ATP13A4: variants seen among roughly 807,000 people sequenced by gnomAD.
The protein encoded by ATP13A4 is ATPase 13A4, also known as probable cation-transporting ATPase 13A4.
A neutral mutation model predicts 142.5 loss-of-function variants in ATP13A4; 114 were observed. That is an observed-to-expected ratio of 0.80 (90% CI 0.69 to 0.93). The LOEUF is 0.93. Ranked by LOEUF, ATP13A4 falls within the 40% of genes least tolerant of loss-of-function variation. ATP13A4 has a pLI of 0.00. For synonymous variants in ATP13A4, 488 were observed against 514.8 expected (o/e 0.95, Z 0.70); for missense variants, 1,392 against 1,454.0 (o/e 0.96, Z 0.69).
intron 28 of ATP13A4, among the ~76,000 whole-genome samples, chr3:193,410,388 A>T (rs1434157300): frequency 6.6e-6 from 1 of 152,226 alleles, no homozygotes; most frequent in Non-Finnish European, 1.5e-5. Context: ...GAAAATATAG[A>T]AAAACATTTT....
chr3:193,513,887 G>A (rs558991958), intron 2 of ATP13A4, among the ~76,000 whole-genome samples: 1 of 152,282 alleles, frequency 6.6e-6, no homozygotes, highest in South Asian at 2.1e-4. Context: ...GCAGGGAGTG[G>A]GATATGTCAG....
chr3:193,447,267 C>T (rs994441043), intron 18 of ATP13A4, among the ~76,000 whole-genome samples: 5 of 152,074 alleles, frequency 3.3e-5, no homozygotes, highest in Non-Finnish European at 5.9e-5. Flanking sequence ...AACTCAGCAA[C>T]TTCAAAAAGT....
intron 1 of ATP13A4, among the ~76,000 whole-genome samples, chr3:193,548,722 T>C (rs936339642): frequency 6.6e-6 from 1 of 152,124 alleles, no homozygotes; most frequent in Non-Finnish European, 1.5e-5. Flanking sequence ...GCCAAGTAAT[T>C]GGTGGAAAAA....
At chr3:193,415,573 G>C (rs1715017156) in intron 25 of ATP13A4, among the ~76,000 whole-genome samples, 1 of 152,186 alleles carries the variant, frequency 6.6e-6, no homozygotes, top group Non-Finnish European at 1.5e-5. Context: ...TACAAAAGGA[G>C]CATAGCAGGC....
At chr3:193,547,386 TCCAG>T (rs1476270431) in intron 1 of ATP13A4, among the ~76,000 whole-genome samples, 1 of 152,210 alleles carries the variant, frequency 6.6e-6, no homozygotes, top group Non-Finnish European at 1.5e-5. Flanking sequence ...TCTGACCAAA[TCCAG>T]CTCCACCATC....
chr3:193,590,342 T>C (rs1302921860), intron 1 of ATP13A4, among the ~76,000 whole-genome samples: 1 of 152,174 alleles, frequency 6.6e-6, no homozygotes. Flanking sequence ...ACTTGAGTCA[T>C]GAGTCATAAG....
At chr3:193,483,769 T>C (rs564496061) in intron 8 of ATP13A4, among the ~76,000 whole-genome samples, 167 bp downstream of exon 8, 12 of 152,156 alleles carry the variant, frequency 7.9e-5, no homozygotes, top group Admixed American at 6.5e-5. Context: ...CGGTCTAAAG[T>C]AGTTTTTAAG....
chr3:193,585,947 G>A (rs1172697690), intron 1 of ATP13A4, among the ~76,000 whole-genome samples: 1 of 152,092 alleles, frequency 6.6e-6, no homozygotes, highest in African/African-American at 2.4e-5. Context: ...TTACATTCCT[G>A]CCATCGGTTA....
Position 193,495,211 on chromosome 3 carries a change from T to C in ATP13A4, c.382-2051A>G, listed in dbSNP as rs566135063. 9.9e-5 allele frequency among the ~76,000 whole-genome samples: 15 copies of C among 152,026 alleles called. No homozygotes were observed. In the South Asian group the frequency reaches 2.9e-3, roughly 29 times the overall value. On this transcript the variant is annotated intron_variant, in intron 3 of 29. Transcript: ENST00000342695. ...ATTCTACTCAGACTATTCCAGAAAATTGAAGAGAGGAAAATATTTCCAAAT... is the reference window on the plus strand; with the variant it reads ...ATTCTACTCAGACTATTCCAGAAAACTGAAGAGAGGAAAATATTTCCAAAT...
At chr3:193,510,889 T>A (rs1186991178) in intron 2 of ATP13A4, among the ~76,000 whole-genome samples, 1 of 152,212 alleles carries the variant, frequency 6.6e-6, no homozygotes. Flanking sequence ...ACCTCCTTAA[T>A]GGAAAATCAT....
At chr3:193,499,498 G>C (rs1032318260) in intron 3 of ATP13A4, among the ~76,000 whole-genome samples, 2 of 152,166 alleles carry the variant, frequency 1.3e-5, no homozygotes, top group Non-Finnish European at 2.9e-5. Flanking sequence ...TCCTGTGGTA[G>C]GGCAGATATT....
chr3:193,577,592 T>C (rs774453163), intron 2 of ATP13A4, among the ~76,000 whole-genome samples: 1 of 152,196 alleles, frequency 6.6e-6, no homozygotes, highest in Non-Finnish European at 1.5e-5. Flanking sequence ...ACAATTAACA[T>C]TGCATTTGTA....
intron 1 of ATP13A4, among the ~76,000 whole-genome samples, chr3:193,516,419 T>C (rs1343118084): frequency 5.3e-5 from 8 of 152,228 alleles, no homozygotes; most frequent in Admixed American, 5.2e-4. Flanking sequence ...CAAAGTAGAA[T>C]GTAGATTCTG....
chr3:193,484,105 C>G (rs1399222388), intron 7 of ATP13A4, 100 bp from the exon 8 acceptor site: 2 of 1,005,648 alleles, frequency 2.0e-6, no homozygotes, highest in Admixed American at 3.5e-5. Context: ...CACTGTCTTA[C>G]TGCCAGTTGA....
In ATP13A4 at chr3:193,402,504, T is replaced by C. The variant is rs1049993201; in HGVS notation, c.*148A>G. The stretch of plus-strand genomic sequence containing the variant: ...GTTCTTCTCTGTAGACAGTATTTTA[T>C]CAAACAGACTTTAGTTTGTCACCAT... On this transcript the variant is annotated 3_prime_UTR_variant, in exon 30 of 30. Transcript: ENST00000342695. 2.0e-5 allele frequency: 13 copies of C among 640,204 alleles called. No homozygotes were observed. Among genetic ancestry groups the C allele is most frequent in the Non-Finnish European group, 3.4e-5 (12 of 356,960 alleles). 39.7% of individuals were successfully genotyped at this position (640,204 alleles called of 1,614,324 possible).
At chr3:193,411,323 G>A (rs368313622) in intron 27 of ATP13A4, among the ~76,000 whole-genome samples, 1 of 152,132 alleles carries the variant, frequency 6.6e-6, no homozygotes, top group African/African-American at 2.4e-5. Context: ...TATACATAGG[G>A]TAACATTGAC....
chr3:193,418,099 GC>G (rs1269234301), intron 25 of ATP13A4, among the ~76,000 whole-genome samples: 5 of 99,582 alleles, frequency 5.0e-5, no homozygotes, highest in Admixed American at 1.7e-4. Flanking sequence ...TCCAGCCTGG[GC>G]GACAGAGCGA....
intron 17 of ATP13A4, among the ~76,000 whole-genome samples, chr3:193,449,310 G>T (rs1381560209): frequency 6.6e-6 from 1 of 152,214 alleles, no homozygotes; most frequent in Admixed American, 6.5e-5. Context: ...CTTAGACACA[G>T]ATCGAGAACA....
At chr3:193,482,044 A>C (rs1280484737) in intron 8 of ATP13A4, among the ~76,000 whole-genome samples, 1 of 152,180 alleles carries the variant, frequency 6.6e-6, no homozygotes, top group Admixed American at 6.5e-5. Flanking sequence ...ACATTACCCT[A>C]TTTCAAGACT....
Sources: allele counts gnomAD v4.1 joint callset (sites outside exome capture counted in the v4.1 genomes callset), GRCh38; gene constraint gnomAD v4.1.1; transcripts MANE v1.5; gene names NCBI Gene and HGNC (gene_info 2026-07-23, HGNC 2026-07-21).